The following PAK6 variants were observed in gnomAD, a reference collection of about 807,000 sequenced individuals.
The protein encoded by PAK6 is serine/threonine-protein kinase PAK 6.
PAK6 carries 33 observed loss-of-function variants against 60.8 expected under a neutral mutation model. That is an observed-to-expected ratio of 0.54 (90% CI 0.41 to 0.73). The LOEUF (loss-of-function observed/expected upper bound fraction) is 0.73. PAK6 is among the 30% of genes least tolerant of loss of function. The pLI is 0.00. For missense variants in PAK6, 845 were observed against 904.1 expected, an observed-to-expected ratio of 0.93 and a Z score of 0.84; for synonymous variants, 404 against 378.5, an observed-to-expected ratio of 1.07 and a Z score of -0.78.
intron 3 of PAK6, among the ~76,000 whole-genome samples, chr15:40,256,482 AG>A (rs1247196585): frequency 6.6e-6 from 1 of 152,164 alleles, no homozygotes; most frequent in Non-Finnish European, 1.5e-5. Flanking sequence ...GGTCCTCTGG[AG>A]GCCACTCTGA....
At chr15:40,245,571 A>G (rs1566842073) in intron 2 of PAK6, 1 of 152,454 alleles carries the variant, frequency 6.6e-6, no homozygotes, top group Non-Finnish European at 1.5e-5. Context: ...GTCTCAGATC[A>G]GCAAAGAGGA....
intron 2 of PAK6, chr15:40,251,722 G>A (rs1304405518): frequency 6.6e-6 from 1 of 152,568 alleles, no homozygotes; most frequent in Non-Finnish European, 1.5e-5. Context: ...GGGGGCCCAA[G>A]ACAAGGAGAG....
At chr15:40,274,724 G>T (rs2039401855) in intron 10 of PAK6, among the ~76,000 whole-genome samples, 2 of 152,214 alleles carry the variant, frequency 1.3e-5, no homozygotes, top group East Asian at 3.9e-4. Flanking sequence ...CTCCATCGTT[G>T]CACACCCCGA....
chr15:40,267,625 C>T (rs772361609), intron 5 of PAK6, among the ~76,000 whole-genome samples: 3 of 152,162 alleles, frequency 2.0e-5, no homozygotes, highest in Non-Finnish European at 2.9e-5. Flanking sequence ...CACCACTGCA[C>T]TCCAGCCTGG....
At chr15:40,258,015 C>A (rs576639051) in intron 3 of PAK6, among the ~76,000 whole-genome samples, 1 of 152,250 alleles carries the variant, frequency 6.6e-6, no homozygotes, top group Non-Finnish European at 1.5e-5. Flanking sequence ...AGAACACACG[C>A]CTGCTGTTTC....
intron 5 of PAK6, among the ~76,000 whole-genome samples, chr15:40,268,369 G>A (rs1208276408): frequency 4.6e-5 from 7 of 152,088 alleles, no homozygotes; most frequent in Non-Finnish European, 1.0e-4. Context: ...AGAAGTTGGT[G>A]GTACCCTCGG....
intron 2 of PAK6, among the ~76,000 whole-genome samples, chr15:40,250,504 T>C (rs72731469): frequency 0.24 from 36,996 of 152,072 alleles, 5,400 homozygotes; most frequent in Non-Finnish European, 0.34. Flanking sequence ...TAACTTGACC[T>C]TCTGCCTCTC....
intron 5 of PAK6, among the ~76,000 whole-genome samples, chr15:40,270,126 C>A (rs2039261206): frequency 6.6e-6 from 1 of 152,164 alleles, no homozygotes; most frequent in South Asian, 2.1e-4. Flanking sequence ...TTCCTTAGAG[C>A]CCCGAGCCTT....
At chr15:40,253,318 G>A in intron 3 of PAK6, 29 bp downstream of exon 3, 1 of 454,400 alleles carries the variant, frequency 2.2e-6, no homozygotes, top group Non-Finnish European at 4.4e-6. Context: ...CCCGGCCCTA[G>A]AGCCTTCTGC....
At chr15:40,267,019 T>C (rs1438645602) in intron 5 of PAK6, 2 of 152,966 alleles carry the variant, frequency 1.3e-5, no homozygotes, top group African/African-American at 2.4e-5. Flanking sequence ...CCAGGCATGA[T>C]GGAGAGTGAG....
intron 3 of PAK6, chr15:40,257,055 A>G (rs1248326576): frequency 6.6e-6 from 1 of 152,240 alleles, no homozygotes; most frequent in Admixed American, 6.5e-5. Flanking sequence ...CTGAGCCAGC[A>G]CTCGGGCTTG....
intron 2 of PAK6, among the ~76,000 whole-genome samples, chr15:40,244,329 CAAAAA>C (rs371932572): frequency 9.0e-6 from 1 of 110,702 alleles, no homozygotes; most frequent in African/African-American, 3.5e-5. Context: ...GACTCTGTCT[CAAAAA>C]AAAAAAAAAA....
intron 3 of PAK6, among the ~76,000 whole-genome samples, chr15:40,262,458 G>A (rs2039008071): frequency 6.6e-6 from 1 of 152,046 alleles, no homozygotes; most frequent in African/African-American, 2.4e-5. Context: ...GAGCCCAGAT[G>A]GTGCCACTAC....
intron 3 of PAK6, among the ~76,000 whole-genome samples, chr15:40,254,579 T>C (rs11634057): frequency 0.24 from 36,320 of 152,158 alleles, 5,213 homozygotes; most frequent in Non-Finnish European, 0.34. Flanking sequence ...TTGCCTGGGA[T>C]AGAGGGAGCC....
chr15:40,271,394 C>T (rs893892503), intron 5 of PAK6, among the ~76,000 whole-genome samples: 22 of 152,092 alleles, frequency 1.4e-4, no homozygotes, highest in Admixed American at 2.6e-4. Flanking sequence ...TGAGGATAGG[C>T]CCCCTACCTT....
intron 3 of PAK6, among the ~76,000 whole-genome samples, chr15:40,258,069 A>C (rs1566848806): frequency 6.6e-6 from 1 of 152,058 alleles, no homozygotes; most frequent in Non-Finnish European, 1.5e-5. Flanking sequence ...CACAGCCCCC[A>C]CCATGACCTC....
At chr15:40,242,976 T>A (rs2038397836) in intron 2 of PAK6, among the ~76,000 whole-genome samples, 1 of 151,844 alleles carries the variant, frequency 6.6e-6, no homozygotes, top group South Asian at 2.1e-4. Flanking sequence ...AGCAGAGCAG[T>A]GGAAAGGAAA....
intron 3 of PAK6, among the ~76,000 whole-genome samples, chr15:40,254,681 A>G (rs561274737): frequency 1.1e-4 from 16 of 152,310 alleles, no homozygotes; most frequent in African/African-American, 3.8e-4. Context: ...GGCATTGTGG[A>G]TGAGCCTGGA....
chr15:40,247,972 G>T (rs556691452), intron 2 of PAK6, among the ~76,000 whole-genome samples: 1 of 152,158 alleles, frequency 6.6e-6, no homozygotes, highest in Non-Finnish European at 1.5e-5. Flanking sequence ...CTTTCACCCC[G>T]TTTGGGGGTG....
Sources: allele counts gnomAD v4.1 joint callset (sites outside exome capture counted in the v4.1 genomes callset), GRCh38; gene constraint gnomAD v4.1.1; transcripts MANE v1.5; gene names NCBI Gene and HGNC (gene_info 2026-07-23, HGNC 2026-07-21).